Variants in SMYD3 observed in about 807,000 individuals in gnomAD.
The protein encoded by SMYD3 is histone-lysine N-methyltransferase SMYD3.
SMYD3 carries 36 observed loss-of-function variants against 57.7 expected under a neutral mutation model. That is an observed-to-expected ratio of 0.62 (90% CI 0.48 to 0.82). The LOEUF (loss-of-function observed/expected upper bound fraction) is 0.82, where lower values mean the gene tolerates loss of function less well. Ranked by LOEUF, SMYD3 falls within the 40% of genes least tolerant of loss-of-function variation. The pLI is 0.00. For synonymous variants in SMYD3, 211 were observed against 195.0 expected, an observed-to-expected ratio of 1.08 and a Z score of -0.68; for missense variants, 515 against 538.8, an observed-to-expected ratio of 0.96 and a Z score of 0.44.
intron 10 of SMYD3, among the ~76,000 whole-genome samples, chr1:245,804,240 ACTC>A (rs2048026278): frequency 6.6e-6 from 1 of 151,950 alleles, no homozygotes; most frequent in Non-Finnish European, 1.5e-5. Flanking sequence ...TAAAGCACAT[ACTC>A]ATGCATACAC....
intron 11 of SMYD3, among the ~76,000 whole-genome samples, chr1:245,752,099 G>C (rs934096917): frequency 6.6e-6 from 1 of 152,250 alleles, no homozygotes. Context: ...GAAAGAGAAG[G>C]TTTCTCAGAT....
chr1:246,443,345 A>T (rs533358687), intron 1 of SMYD3, among the ~76,000 whole-genome samples: 3 of 152,356 alleles, frequency 2.0e-5, no homozygotes, highest in Non-Finnish European at 4.4e-5. Flanking sequence ...CATTACTATA[A>T]ATTAGCTGAA....
chr1:246,473,727 G>C (rs555016214), intron 1 of SMYD3, among the ~76,000 whole-genome samples: 1 of 152,306 alleles, frequency 6.6e-6, no homozygotes, highest in East Asian at 1.9e-4. Context: ...GAACACATAT[G>C]CCTCAATCCC....
intron 5 of SMYD3, among the ~76,000 whole-genome samples, chr1:246,234,689 T>A (rs551963494): frequency 7.3e-6 from 1 of 136,274 alleles, no homozygotes; most frequent in East Asian, 2.5e-4. Flanking sequence ...TATAATAGAA[T>A]ATTGCATTTA....
rs766507790 is a variant in SMYD3, at chr1:245,786,672, G to A, written c.1077-22523C>T. ...AGCCCAGCATCACCCGTCCCACAGCGCCCACCAGGAGTTCACACGTGAAGC... is the reference window on the plus strand; with the variant it reads ...AGCCCAGCATCACCCGTCCCACAGCACCCACCAGGAGTTCACACGTGAAGC... On this transcript the variant is annotated intron_variant, in intron 10 of 11. Transcript: ENST00000490107. Among the ~76,000 whole-genome samples the A allele has an allele frequency of 1.0e-4, 15 of 150,404 alleles. 1 individual carries two copies. The East Asian group carries it at 1.4e-3, about 14-fold the overall frequency.
intron 5 of SMYD3, among the ~76,000 whole-genome samples, chr1:246,185,271 T>G (rs1311070045): frequency 1.3e-5 from 2 of 152,152 alleles, no homozygotes; most frequent in African/African-American, 4.8e-5. Context: ...AGAGTCTTGC[T>G]CTATCCCCCA....
intron 8 of SMYD3, among the ~76,000 whole-genome samples, chr1:245,869,138 GA>G (rs1345425824): frequency 6.6e-6 from 1 of 152,000 alleles, no homozygotes; most frequent in African/African-American, 2.4e-5. Context: ...CACATAAAAG[GA>G]GCTTGAATGG....
At chr1:246,448,696 C>CAA in intron 1 of SMYD3, among the ~76,000 whole-genome samples, 1 of 85,612 alleles carries the variant, frequency 1.2e-5, no homozygotes, top group African/African-American at 5.0e-5. Context: ...GATCTCATCT[C>CAA]TTTTTTTTAA....
chr1:246,211,220 ATTCT>A (rs1476778186), intron 5 of SMYD3, among the ~76,000 whole-genome samples: 7 of 152,140 alleles, frequency 4.6e-5, no homozygotes, highest in Non-Finnish European at 8.8e-5. Flanking sequence ...ATGAAGAAAA[ATTCT>A]TTGACAGCTC....
At chr1:246,185,617 A>G (rs777437999) in intron 5 of SMYD3, among the ~76,000 whole-genome samples, 43 of 151,914 alleles carry the variant, frequency 2.8e-4, no homozygotes, top group African/African-American at 6.8e-4. Flanking sequence ...GCCCGCCACC[A>G]CGCCCGGCTA....
intron 5 of SMYD3, among the ~76,000 whole-genome samples, chr1:246,063,055 A>T (rs983078365): frequency 3.3e-5 from 5 of 152,138 alleles, no homozygotes; most frequent in African/African-American, 4.8e-5. Context: ...AGAGCCCAAG[A>T]CCACCTTCAG....
intron 1 of SMYD3, among the ~76,000 whole-genome samples, chr1:246,437,677 T>C (rs969842658): frequency 2.0e-5 from 3 of 152,244 alleles, no homozygotes; most frequent in Non-Finnish European, 2.9e-5. Flanking sequence ...TTAAAGTTTA[T>C]TGAAAAATCA....
intron 8 of SMYD3, among the ~76,000 whole-genome samples, chr1:245,888,296 T>C (rs1472907864): frequency 1.3e-5 from 2 of 152,208 alleles, no homozygotes; most frequent in South Asian, 4.1e-4. Context: ...AATTCTACCA[T>C]CTAAAGGGCT....
intron 1 of SMYD3, among the ~76,000 whole-genome samples, chr1:246,363,143 C>T (rs1437752413): frequency 4.0e-5 from 6 of 149,082 alleles, no homozygotes; most frequent in African/African-American, 1.0e-4. Context: ...CCCCTCCGCC[C>T]GGCAGCCGCC....
At chr1:245,958,087 CCTGT>C (rs2057902720) in intron 5 of SMYD3, among the ~76,000 whole-genome samples, 1 of 152,056 alleles carries the variant, frequency 6.6e-6, no homozygotes, top group Non-Finnish European at 1.5e-5. Flanking sequence ...TTATGAGGTG[CCTGT>C]CTAGATTCTT....
intron 5 of SMYD3, among the ~76,000 whole-genome samples, chr1:246,003,113 C>A (rs73130372): frequency 0.03 from 4,561 of 152,140 alleles, 249 homozygotes; most frequent in African/African-American, 0.1. Flanking sequence ...ATGGAAGAGG[C>A]GGAGGGAAAG....
At chr1:246,258,323 C>T in intron 5 of SMYD3, among the ~76,000 whole-genome samples, 1 of 152,160 alleles carries the variant, frequency 6.6e-6, no homozygotes, top group East Asian at 1.9e-4. Context: ...GAGTGAGCCA[C>T]CATGCCTGGC....
chr1:246,330,611 CT>C, intron 3 of SMYD3, 74 bp from the exon 4 acceptor site: 1 of 1,265,214 alleles, frequency 7.9e-7, no homozygotes, highest in South Asian at 1.6e-5. Context: ...GTTTGAGTAC[CT>C]TTGTATATTT....
intron 5 of SMYD3, among the ~76,000 whole-genome samples, chr1:246,148,307 A>G (rs2061889113): frequency 6.6e-6 from 1 of 152,018 alleles, no homozygotes; most frequent in Non-Finnish European, 1.5e-5. Flanking sequence ...AGCTTCAGAG[A>G]CCTGCAGAGA....
Sources: gnomAD v4.1 joint callset for allele counts (sites outside exome capture counted in the v4.1 genomes callset) on GRCh38, gnomAD v4.1.1 for gene constraint, MANE v1.5 for transcripts, NCBI Gene and HGNC (gene_info 2026-07-23, HGNC 2026-07-21) for gene names.